Variants in AKR1E2 observed in about 807,000 individuals in gnomAD.
AKR1E2 encodes the protein 1,5-anhydro-D-fructose reductase.
Under a neutral mutation model 41.9 loss-of-function variants are expected in AKR1E2, and 43 were observed. That is an observed-to-expected ratio of 1.03 (90% CI 0.80 to 1.32). AKR1E2 has a LOEUF of 1.32. Ranked by LOEUF, AKR1E2 falls within the 40% of genes most tolerant of loss-of-function variation. The pLI, the probability that AKR1E2 is intolerant of heterozygous loss-of-function variation, is 0.00. For missense variants in AKR1E2, 423 were observed against 396.5 expected (o/e 1.07, Z -0.57); for synonymous variants, 121 against 138.9 (o/e 0.87, Z 0.91).
At chr10:4,844,280 TTCC>T (rs1443290613) in intron 8 of AKR1E2, among the ~76,000 whole-genome samples, 1 of 152,018 alleles carries the variant, frequency 6.6e-6, no homozygotes, top group Non-Finnish European at 1.5e-5. Flanking sequence ...GAGTTGTTCG[TTCC>T]TCCCGGTGGG....
At chr10:4,852,906 C>T (rs1182940826), downstream of AKR1E2, among the ~76,000 whole-genome samples, 1 of 152,114 alleles carries the variant, frequency 6.6e-6, no homozygotes, top group Non-Finnish European at 1.5e-5. Context: ...ACATGGTCTT[C>T]CTTCTGTGTG....
chr10:4,840,161 A>G (rs77748270), intron 6 of AKR1E2, among the ~76,000 whole-genome samples: 1,644 of 152,130 alleles, frequency 0.011, 13 homozygotes, highest in Non-Finnish European at 0.016. Flanking sequence ...AGGCCTCTCC[A>G]TGGTTGGATG....
chr10:4,852,319 C>G (rs981396519), downstream of AKR1E2, among the ~76,000 whole-genome samples: 2 of 152,132 alleles, frequency 1.3e-5, no homozygotes, highest in Non-Finnish European at 2.9e-5. Flanking sequence ...GTGGAAAATT[C>G]TCAAAGAGCT....
At chr10:4,866,639 G>GTTTTTTTT in the AKR1E2 span, among the ~76,000 whole-genome samples, 44 of 107,820 alleles carry the variant, frequency 4.1e-4, 4 homozygotes, top group Non-Finnish European at 5.2e-4. Context: ...TTTTGTTTTT[G>GTTTTTTTT]TTTTTGTTTT....
intron 2 of AKR1E2, among the ~76,000 whole-genome samples, chr10:4,831,547 C>T (rs907622735): frequency 6.6e-6 from 1 of 152,210 alleles, no homozygotes; most frequent in African/African-American, 2.4e-5. Context: ...GACTTATTCA[C>T]TATCACCAGA....
At chr10:4,863,942 C>A in the AKR1E2 span, among the ~76,000 whole-genome samples, 8 of 152,162 alleles carry the variant, frequency 5.3e-5, no homozygotes, top group African/African-American at 1.9e-4. Context: ...ATACCAATAA[C>A]AGGCTCTGAA....
At chr10:4,858,554 G>A in the AKR1E2 span, among the ~76,000 whole-genome samples, 1 of 152,204 alleles carries the variant, frequency 6.6e-6, no homozygotes, top group Non-Finnish European at 1.5e-5. Flanking sequence ...CAGAGAGAAA[G>A]TGTGTGGAAG....
intron 9 of AKR1E2, 106 bp downstream of exon 9, chr10:4,847,336 C>G: frequency 6.4e-7 from 1 of 1,558,116 alleles, no homozygotes. Flanking sequence ...ATTAAACTTT[C>G]TCATTATAAT....
chr10:4,851,968 G>A (rs1309044011), downstream of AKR1E2, among the ~76,000 whole-genome samples: 1 of 152,212 alleles, frequency 6.6e-6, no homozygotes, highest in Non-Finnish European at 1.5e-5. Context: ...ATGTGGCCCA[G>A]TGACAGTGCC....
chr10:4,828,564 A>G (rs571446031), intron 1 of AKR1E2, among the ~76,000 whole-genome samples: 3 of 152,320 alleles, frequency 2.0e-5, no homozygotes, highest in Admixed American at 6.5e-5. Flanking sequence ...TCTCCACTGT[A>G]AGTTTTAGAA....
the AKR1E2 span, among the ~76,000 whole-genome samples, chr10:4,860,034 C>T: frequency 6.6e-6 from 1 of 152,192 alleles, no homozygotes; most frequent in Non-Finnish European, 1.5e-5. Context: ...CAGTGTCTGT[C>T]TATCTATTGT....
At chr10:4,830,993 T>A in intron 2 of AKR1E2, 151 bp downstream of exon 2, 1 of 1,042,290 alleles carries the variant, frequency 9.6e-7, no homozygotes. Context: ...TGCTGAATTA[T>A]ATTGTGTGCA....
chr10:4,827,144 A>G (rs1832601857), intron 1 of AKR1E2, among the ~76,000 whole-genome samples: 1 of 151,726 alleles, frequency 6.6e-6, no homozygotes, highest in Non-Finnish European at 1.5e-5. Flanking sequence ...AAACTTTGGG[A>G]TCTCATGTTG....
chr10:4,843,618 T>C (rs555117750), intron 8 of AKR1E2, among the ~76,000 whole-genome samples: 4 of 152,326 alleles, frequency 2.6e-5, no homozygotes, highest in Admixed American at 6.5e-5. Context: ...AGCATCGCCA[T>C]TGGGGTTTAT....
At position 4,847,602 on chromosome 10, in the gene AKR1E2, G is replaced by T. The variant is rs1834428553; in HGVS notation, c.*72G>T. On this transcript the variant is annotated 3_prime_UTR_variant, in exon 10 of 10. Coordinates refer to ENST00000298375, the MANE Select transcript of AKR1E2 (RefSeq NM_001040177.3). Reference sequence around the variant, plus strand: ...CTATTGGCAATGTTGACCCTCCTCTGTCATCACAGCGCCAGGGCAGCTGTG... The same window carrying T: ...CTATTGGCAATGTTGACCCTCCTCTTTCATCACAGCGCCAGGGCAGCTGTG... The T allele has an allele frequency of 1.3e-6, 2 of 1,558,192 alleles. No individual in the cohort carries two copies. The highest frequency in any genetic ancestry group is 4.5e-5 in the East Asian group (2 of 44,602).
At chr10:4,849,975 AAC>A (rs1834493091), downstream of AKR1E2, among the ~76,000 whole-genome samples, 1 of 152,220 alleles carries the variant, frequency 6.6e-6, no homozygotes. Flanking sequence ...AAAATAGGCA[AAC>A]ACTGGGCAAC....
the AKR1E2 span, among the ~76,000 whole-genome samples, chr10:4,859,809 A>G: frequency 6.6e-6 from 1 of 152,238 alleles, no homozygotes; most frequent in African/African-American, 2.4e-5. Flanking sequence ...AGAGGAGAAT[A>G]GACAGGTCAG....
At chr10:4,854,338 C>A in the AKR1E2 span, among the ~76,000 whole-genome samples, 1 of 152,082 alleles carries the variant, frequency 6.6e-6, no homozygotes, top group South Asian at 2.1e-4. Context: ...ATGATCTGCC[C>A]ACCTTGGCCT....
At chr10:4,837,717 T>C in intron 5 of AKR1E2, 136 bp downstream of exon 5, 1 of 1,373,342 alleles carries the variant, frequency 7.3e-7, no homozygotes, top group East Asian at 2.5e-5. Context: ...GCACTCAGAA[T>C]GGTGATTAAA....
Sources: allele counts gnomAD v4.1 joint callset (sites outside exome capture counted in the v4.1 genomes callset), GRCh38; gene constraint gnomAD v4.1.1; transcripts MANE v1.5; gene names NCBI Gene and HGNC (gene_info 2026-07-23, HGNC 2026-07-21).